Variants in LURAP1 observed in about 807,000 individuals in gnomAD.
The protein encoded by LURAP1 is leucine rich adaptor protein 1, also known as NF-kappa-B activator C1orf190.
A neutral mutation model predicts 19.0 loss-of-function variants in LURAP1; 14 were observed. That is an observed-to-expected ratio of 0.74 (90% CI 0.49 to 1.15). The LOEUF (loss-of-function observed/expected upper bound fraction) is 1.15, where lower values mean the gene tolerates loss of function less well. LURAP1 is among the 50% of genes most tolerant of loss of function. The pLI is 0.00. For synonymous variants in LURAP1, 129 were observed against 131.8 expected, an observed-to-expected ratio of 0.98 and a Z score of 0.14; for missense variants, 273 against 309.1, an observed-to-expected ratio of 0.88 and a Z score of 0.87.
Position 46,220,795 on chromosome 1 carries a change from C to G in LURAP1, c.*575C>G, listed in dbSNP as rs1188989732. 6.6e-6 allele frequency: 1 copy of G among 152,112 alleles called. No homozygotes were observed. The allele number at this position is 152,112 out of a possible 1,614,324, so 9.4% of individuals were successfully genotyped here. A position where few individuals can be genotyped will look rare whatever the true frequency, so the allele number is the denominator to read the frequency against. ...ATGGCTTTTGGTATTTAGTATCTCT[C>G]ACTACTCCCCCCAGCTAAGTAAGGA... On this transcript the variant is annotated 3_prime_UTR_variant, in exon 2 of 2. Transcript: ENST00000371980.
chr1:46,213,685 A>C (rs1275586107), intron 1 of LURAP1, among the ~76,000 whole-genome samples: 2 of 152,186 alleles, frequency 1.3e-5, no homozygotes, highest in Non-Finnish European at 2.9e-5. Context: ...ATGCCACTGC[A>C]CTCCAGCCTG....
intron 1 of LURAP1, among the ~76,000 whole-genome samples, chr1:46,210,672 G>A (rs2148243402): frequency 6.6e-6 from 1 of 152,270 alleles, no homozygotes; most frequent in Non-Finnish European, 1.5e-5. Flanking sequence ...GAGATGCATG[G>A]GGCAAGGCAT....
rs1482736727 is a variant in LURAP1, at chr1:46,211,962, A to G, written c.199-7737A>G. On this transcript the variant is annotated intron_variant, in intron 1 of 1. Transcript: ENST00000371980. ...TTTTTATTAGAGACGGGGTTTCACC[A>G]TGTTGGCCAGGCTGGTCTCAAATTC... 3.9e-5 allele frequency among the ~76,000 whole-genome samples: 6 copies of G among 152,080 alleles called. No individual in the cohort carries two copies. In the East Asian group the frequency reaches 9.7e-4, roughly 25 times the overall value.
chr1:46,205,620 G>A (rs986656594), intron 1 of LURAP1, among the ~76,000 whole-genome samples: 15 of 152,254 alleles, frequency 9.9e-5, no homozygotes, highest in South Asian at 2.1e-4. Flanking sequence ...AAACTTTAAG[G>A]GGCTGCATTT....
At chr1:46,205,217 C>G (rs1477245502) in intron 1 of LURAP1, among the ~76,000 whole-genome samples, 1 of 152,024 alleles carries the variant, frequency 6.6e-6, no homozygotes, top group African/African-American at 2.4e-5. Flanking sequence ...GAAATCGCAC[C>G]ACTGCACTCC....
intron 1 of LURAP1, among the ~76,000 whole-genome samples, chr1:46,213,137 A>G (rs539360689): frequency 1.3e-5 from 2 of 152,126 alleles, no homozygotes; most frequent in Admixed American, 6.6e-5. Context: ...TTATGTGTAT[A>G]TAAGTGTGTA....
intron 1 of LURAP1, among the ~76,000 whole-genome samples, chr1:46,204,414 G>A (rs936263529): frequency 1.8e-4 from 27 of 152,334 alleles, no homozygotes; most frequent in Admixed American, 1.0e-3. Context: ...CCCTGATTCC[G>A]GTGAAGTGGG....
At chr1:46,213,514 T>C (rs976490556) in intron 1 of LURAP1, among the ~76,000 whole-genome samples, 15 of 151,904 alleles carry the variant, frequency 9.9e-5, no homozygotes, top group African/African-American at 3.6e-4. Flanking sequence ...AGAAGGTCTC[T>C]AGATTAAAAG....
rs1380109240 is a variant in LURAP1, at chr1:46,219,698, G to C, written c.199-1G>C. ...ACTAATTCCTTCTCCCACTCCCCCA[G>C]GCTTACCTGCGAGCCATCGATGTGA... On this transcript the variant is annotated splice_acceptor_variant, in intron 1 of 1. Transcript: ENST00000371980. LOFTEE classifies it high-confidence loss of function. 6.3e-7 allele frequency: 1 copy of C among 1,580,328 alleles called. No individual in the cohort carries two copies. The highest frequency in any genetic ancestry group is 1.2e-5 in the South Asian group (1 of 84,774).
At chr1:46,212,898 T>TAC (rs1286557428) in intron 1 of LURAP1, among the ~76,000 whole-genome samples, 2 of 151,950 alleles carry the variant, frequency 1.3e-5, no homozygotes, top group Non-Finnish European at 2.9e-5. Flanking sequence ...TAGCTGGGAC[T>TAC]ACAGGTGTCC....
chr1:46,214,351 G>GA (rs57471712), intron 1 of LURAP1, among the ~76,000 whole-genome samples: 30,794 of 127,346 alleles, frequency 0.24, 3,207 homozygotes, highest in Admixed American at 0.29. Flanking sequence ...GTCTCAAAAA[G>GA]AAAAAAAAAA....
chr1:46,204,168 TA>T (rs1360759871), intron 1 of LURAP1, among the ~76,000 whole-genome samples: 2 of 152,132 alleles, frequency 1.3e-5, no homozygotes, highest in East Asian at 3.8e-4. Context: ...CTACTTAAAA[TA>T]ATGGAAAGTT....
intron 1 of LURAP1, among the ~76,000 whole-genome samples, chr1:46,210,935 C>T (rs910222970): frequency 4.0e-5 from 6 of 148,688 alleles, no homozygotes; most frequent in African/African-American, 1.2e-4. Flanking sequence ...ATACCACACT[C>T]ACCTAATTTT....
chr1:46,203,673 C>G, intron 1 of LURAP1, 49 bp downstream of exon 1: 1 of 1,544,938 alleles, frequency 6.5e-7, no homozygotes, highest in Non-Finnish European at 8.7e-7. Context: ...AGTGTAGGGC[C>G]GGGAGGGACG....
At chr1:46,209,743 T>C (rs1658834500) in intron 1 of LURAP1, among the ~76,000 whole-genome samples, 1 of 151,912 alleles carries the variant, frequency 6.6e-6, no homozygotes, top group African/African-American at 2.4e-5. Context: ...ACTCCTGACC[T>C]CGGGTAATCC....
chr1:46,219,696 C>A lies in LURAP1; in HGVS notation c.199-3C>A, dbSNP rs1383815158. On this transcript the variant is annotated splice_polypyrimidine_tract_variant and splice_region_variant and intron_variant, in intron 1 of 1. Transcript: ENST00000371980. Reference sequence around the variant, plus strand: ...GGACTAATTCCTTCTCCCACTCCCCCAGGCTTACCTGCGAGCCATCGATGT... The same window carrying A: ...GGACTAATTCCTTCTCCCACTCCCCAAGGCTTACCTGCGAGCCATCGATGT... 19 of 1,576,948 alleles carry A rather than the reference C, an allele frequency of 1.2e-5. No individual in the cohort carries two copies. Among genetic ancestry groups the A allele is most frequent in the Non-Finnish European group, 1.6e-5 (19 of 1,160,394 alleles).
chr1:46,212,427 T>C (rs929369059), intron 1 of LURAP1, among the ~76,000 whole-genome samples: 20 of 148,132 alleles, frequency 1.4e-4, no homozygotes, highest in African/African-American at 5.0e-4. Context: ...ACTACAGGCG[T>C]ACACTGCCAC....
chr1:46,219,973 A>G lies in LURAP1; in HGVS notation c.473A>G (p.Glu158Gly). 1.2e-6 allele frequency: 2 copies of G among 1,614,260 alleles called. No homozygotes were observed. The highest frequency in any genetic ancestry group is 1.7e-6 in the Non-Finnish European group (2 of 1,180,042). The change falls in exon 2 of 2, where the codon GAA (glutamate) becomes GGA (glycine). Residue 158 changes from glutamate to glycine, a missense_variant. Transcript: ENST00000371980. ...ACAGTGGCCCCCAGCGAGCTGGATG[A>G]ACAGGGCCCACCTGGGGCTCCACGT... ...LDTVAPSELD[E>G]QGPPGAPRSE...
chr1:46,219,154 G>T (rs1048121367), intron 1 of LURAP1, among the ~76,000 whole-genome samples: 1 of 152,044 alleles, frequency 6.6e-6, no homozygotes, highest in African/African-American at 2.4e-5. Flanking sequence ...AATTAGCTGG[G>T]TGTGGTGGTA....
Sources: gnomAD v4.1 joint callset for allele counts (sites outside exome capture counted in the v4.1 genomes callset) on GRCh38, gnomAD v4.1.1 for gene constraint, MANE v1.5 for transcripts, NCBI Gene and HGNC (gene_info 2026-07-23, HGNC 2026-07-21) for gene names.